ATF7IP: variants seen among roughly 807,000 people sequenced by gnomAD.
ATF7IP encodes the protein activating transcription factor 7-interacting protein 1.
In ATF7IP, 23 loss-of-function variants were observed where a neutral mutation model predicts 106.4. That is an observed-to-expected ratio of 0.22 (90% CI 0.16 to 0.31). ATF7IP has a LOEUF of 0.31. Among genes scored for constraint, ATF7IP ranks in the 10% least tolerant of loss-of-function variants. ATF7IP has a pLI of 1.00. For missense variants in ATF7IP, 1,334 were observed against 1,524.3 expected, an observed-to-expected ratio of 0.88 and a Z score of 2.08; for synonymous variants, 542 against 539.0, an observed-to-expected ratio of 1.01 and a Z score of -0.08.
intron 1 of ATF7IP, among the ~76,000 whole-genome samples, chr12:14,391,287 G>C (rs1010880102): frequency 3.3e-5 from 5 of 152,186 alleles, no homozygotes; most frequent in African/African-American, 1.2e-4. Context: ...ACACTGGAGA[G>C]AGGTCTGAGG....
Position 14,501,295 on chromosome 12 carries a change from G to C in ATF7IP, c.*3222G>C, listed in dbSNP as rs1945153582. 6.6e-6 allele frequency: 1 copy of C among 152,174 alleles called. No homozygotes were observed. Among genetic ancestry groups the C allele is most frequent in the African/African-American group, 2.4e-5 (1 of 41,462 alleles). The allele number at this position is 152,174 out of a possible 1,614,324, so 9.4% of individuals were successfully genotyped here. A position where few individuals can be genotyped will look rare whatever the true frequency, so the allele number is the denominator to read the frequency against. On this transcript the variant is annotated 3_prime_UTR_variant, in exon 15 of 15. Transcript: ENST00000261168. ...TTTTTAGCCTGGCAATATTTGTGTA[G>C]GTATTGCCTTATTGGAAATTCTGGA...
intron 8 of ATF7IP, among the ~76,000 whole-genome samples, chr12:14,458,923 C>G (rs1227895778): frequency 6.6e-6 from 1 of 151,940 alleles, no homozygotes; most frequent in Non-Finnish European, 1.5e-5. Flanking sequence ...TTATGCAAAT[C>G]TTCCAAATGA....
chr12:14,491,507 C>A (rs979734084), intron 13 of ATF7IP, among the ~76,000 whole-genome samples: 14 of 152,192 alleles, frequency 9.2e-5, no homozygotes, highest in African/African-American at 2.4e-5. Flanking sequence ...TTTGCTACTT[C>A]TTGCTCACTT....
At chr12:14,391,796 ACTTCAAC>A (rs1939568722) in intron 1 of ATF7IP, among the ~76,000 whole-genome samples, 1 of 152,210 alleles carries the variant, frequency 6.6e-6, no homozygotes, top group South Asian at 2.1e-4. Flanking sequence ...ATCTCAGCTC[ACTTCAAC>A]CTCCGCCTCC....
intron 1 of ATF7IP, among the ~76,000 whole-genome samples, chr12:14,385,854 A>G (rs976062492): frequency 6.6e-6 from 1 of 152,040 alleles, no homozygotes; most frequent in Non-Finnish European, 1.5e-5. Flanking sequence ...AAAGAAGGGT[A>G]ATTATATAAA....
intron 13 of ATF7IP, among the ~76,000 whole-genome samples, chr12:14,488,133 A>G (rs970581874): frequency 6.6e-6 from 1 of 152,088 alleles, no homozygotes; most frequent in African/African-American, 2.4e-5. Context: ...TAGACCCCCA[A>G]TCCTGGTACC....
chr12:14,459,548 A>T (rs934621790), intron 8 of ATF7IP, among the ~76,000 whole-genome samples: 1 of 152,210 alleles, frequency 6.6e-6, no homozygotes, highest in African/African-American at 2.4e-5. Context: ...TTTACTTAGC[A>T]TTGCTTTTGC....
chr12:14,488,024 G>A (rs1424623938), intron 13 of ATF7IP, among the ~76,000 whole-genome samples: 4 of 152,066 alleles, frequency 2.6e-5, no homozygotes, highest in African/African-American at 9.7e-5. Flanking sequence ...ACTACTAGAA[G>A]TAGAGTCCTT....
chr12:14,467,599 T>C (rs1648905541), intron 10 of ATF7IP, among the ~76,000 whole-genome samples: 1 of 152,088 alleles, frequency 6.6e-6, no homozygotes, highest in South Asian at 2.1e-4. Flanking sequence ...CAGTGATACT[T>C]AAGTGACATT....
At chr12:14,416,826 G>C in intron 1 of ATF7IP, 1 of 811,072 alleles carries the variant, frequency 1.2e-6, no homozygotes, top group Non-Finnish European at 1.5e-6. Context: ...TCGGCTTTGA[G>C]CCAATCAGAC....
chr12:14,474,410 T>C (rs1478009792), intron 10 of ATF7IP, among the ~76,000 whole-genome samples: 2 of 151,222 alleles, frequency 1.3e-5, no homozygotes, highest in Non-Finnish European at 3.0e-5. Context: ...TGAATTTTTT[T>C]TTTTTTTTGA....
chr12:14,387,561 G>C (rs10772777), intron 1 of ATF7IP, among the ~76,000 whole-genome samples: 85,852 of 151,858 alleles, frequency 0.57, 24,682 homozygotes, highest in African/African-American at 0.67. Flanking sequence ...AATATTTGCC[G>C]CTACCCTCTA....
At chr12:14,450,667 A>C (rs1943169686) in intron 6 of ATF7IP, among the ~76,000 whole-genome samples, 2 of 152,134 alleles carry the variant, frequency 1.3e-5, no homozygotes, top group Non-Finnish European at 2.9e-5. Context: ...TTGCCTAATA[A>C]ATGGAATTTG....
chr12:14,374,576 A>G (rs1938659423), intron 1 of ATF7IP, among the ~76,000 whole-genome samples: 1 of 152,218 alleles, frequency 6.6e-6, no homozygotes, highest in Non-Finnish European at 1.5e-5. Flanking sequence ...TGTAGGGTAC[A>G]GAAAGTGGTG....
At chr12:14,387,520 C>T (rs1266941240) in intron 1 of ATF7IP, among the ~76,000 whole-genome samples, 2 of 152,100 alleles carry the variant, frequency 1.3e-5, no homozygotes, top group Non-Finnish European at 1.5e-5. Context: ...ATTTTAATAA[C>T]CCAGTCTTTT....
intron 2 of ATF7IP, among the ~76,000 whole-genome samples, chr12:14,430,114 A>G (rs1337203341): frequency 6.6e-6 from 1 of 152,194 alleles, no homozygotes; most frequent in Non-Finnish European, 1.5e-5. Flanking sequence ...ATAAGGAAGA[A>G]CCAACAAAGG....
chr12:14,385,854 AATT>A (rs1438491744), intron 1 of ATF7IP, among the ~76,000 whole-genome samples: 2 of 152,040 alleles, frequency 1.3e-5, no homozygotes, highest in Non-Finnish European at 2.9e-5. Flanking sequence ...AAAGAAGGGT[AATT>A]ATATAAATCA....
chr12:14,425,981 C>T (rs769089182), intron 2 of ATF7IP, among the ~76,000 whole-genome samples: 2 of 152,190 alleles, frequency 1.3e-5, no homozygotes, highest in Non-Finnish European at 2.9e-5. Context: ...GCTTGATTAT[C>T]CATTTGATAA....
intron 1 of ATF7IP, among the ~76,000 whole-genome samples, chr12:14,400,024 C>T (rs1940095798): frequency 6.6e-6 from 1 of 151,728 alleles, no homozygotes; most frequent in Non-Finnish European, 1.5e-5. Flanking sequence ...GCTGCATTCA[C>T]AAATGTGACT....
Sources: gnomAD v4.1 joint callset for allele counts (sites outside exome capture counted in the v4.1 genomes callset) on GRCh38, gnomAD v4.1.1 for gene constraint, MANE v1.5 for transcripts, NCBI Gene and HGNC (gene_info 2026-07-23, HGNC 2026-07-21) for gene names.